Variants in NLRP12 observed in about 807,000 individuals in gnomAD.
NLRP12 encodes the protein NACHT, LRR and PYD domains-containing protein 12.
In NLRP12, 108 loss-of-function variants were observed where a neutral mutation model predicts 91.2. That is an observed-to-expected ratio of 1.18 (90% CI 1.01 to 1.39). NLRP12 has a LOEUF of 1.39. Ranked by LOEUF, NLRP12 falls within the 40% of genes most tolerant of loss-of-function variation. The pLI, the probability that NLRP12 is intolerant of heterozygous loss-of-function variation, is 0.00. For synonymous variants in NLRP12, 613 were observed against 566.7 expected (o/e 1.08, Z -1.16); for missense variants, 1,530 against 1,352.7 (o/e 1.13, Z -2.06).
intron 3 of NLRP12, chr19:53,808,415 T>G (rs1483134529): frequency 6.5e-6 from 1 of 154,502 alleles, no homozygotes; most frequent in Middle Eastern, 3.4e-3. Context: ...TACAGAAGAT[T>G]GTTGGGTCCA....
intron 7 of NLRP12, among the ~76,000 whole-genome samples, chr19:53,799,326 G>GT (rs1040035402): frequency 2.0e-5 from 3 of 151,598 alleles, no homozygotes; most frequent in East Asian, 2.0e-4. Flanking sequence ...GTGATTTTTT[G>GT]TTTTTTGTTT....
chr19:53,805,765 A>C, intron 4 of NLRP12: 1 of 380,068 alleles, frequency 2.6e-6, no homozygotes, highest in South Asian at 2.2e-5. Flanking sequence ...GATCCTCCCC[A>C]TCTGGGCCTC....
At chr19:53,814,116 C>G (rs772713953) in intron 2 of NLRP12, among the ~76,000 whole-genome samples, 1 of 152,168 alleles carries the variant, frequency 6.6e-6, no homozygotes, top group South Asian at 2.1e-4. Context: ...TTCTTCCCTG[C>G]CAGCAAACCT....
chr19:53,805,166 T>TA (rs2091937312), intron 5 of NLRP12, 114 bp downstream of exon 5: 5 of 1,164,074 alleles, frequency 4.3e-6, no homozygotes, highest in Admixed American at 1.9e-5. Context: ...GTCATGGGGT[T>TA]AAGGGCCAGC....
chr19:53,809,993 G>C lies in NLRP12; in HGVS notation c.1666C>G (p.Leu556Val), dbSNP rs185301991. 1.1e-5 allele frequency: 17 copies of C among 1,614,152 alleles called. No homozygotes were observed. The highest frequency in any genetic ancestry group is 1.3e-5 in the Non-Finnish European group (15 of 1,180,038). The part of the protein sequence containing the change: ...TEYAFSERSF[L>V]ALTSRFLFGL... ...AACAGGAAGCGGCTGGTGAGTGCCA[G>C]GAAGCTCCTTTCAGAAAACGCGTAC... The change falls in exon 3 of 10, where the codon CTG becomes GTG. Residue 556 changes from leucine (L) to valine (V), a missense_variant. Transcript: ENST00000324134.
At chr19:53,800,784 A>G (rs962904283) in intron 7 of NLRP12, among the ~76,000 whole-genome samples, 3 of 152,102 alleles carry the variant, frequency 2.0e-5, no homozygotes, top group East Asian at 1.9e-4. Flanking sequence ...GTGTTTCTAC[A>G]TGTTGGTCAG....
chr19:53,823,912 C>G lies in NLRP12; in HGVS notation c.263G>C (p.Arg88Thr), dbSNP rs1206814114. 1.2e-6 allele frequency: 2 copies of G among 1,614,074 alleles called. No homozygotes were observed. Among genetic ancestry groups the G allele is most frequent in the Non-Finnish European group, 1.7e-6 (2 of 1,180,028 alleles). Residue 88 changes from arginine to threonine, a missense_variant, in exon 1 of 10, where the codon AGA (arginine) becomes ACA (threonine). Coordinates refer to ENST00000324134, the MANE Select transcript of NLRP12 (RefSeq NM_144687.4). ...CCTCACCAGGTCCTCTCTCTGTCCT[C>G]TCTCCCACAGGTCCTTCCTGTTTAT... ...ERINRKDLWERGQREDLVRDT... is the reference protein window; with the variant it reads ...ERINRKDLWETGQREDLVRDT...
chr19:53,810,677 T>C lies in NLRP12; in HGVS notation c.982A>G (p.Ile328Val). 6.2e-7 allele frequency: 1 copy of C among 1,613,858 alleles called. No homozygotes were observed. ...RPTELLLNSL[I>V]RKKLLPELSL... ...AGCTCAGGGAGCAGCTTCTTCCGAA[T>C]TAAGCTGTTAAGAAGCAGCTCCGTG... is the stretch of plus-strand genomic sequence containing the variant. Residue 328 changes from isoleucine to valine, a missense_variant, in exon 3 of 10, where the codon ATT (isoleucine) becomes GTT (valine). Ile to Val is a conservative substitution (Grantham distance 29). Transcript: ENST00000324134.
chr19:53,817,775 T>C (rs1428437422), intron 1 of NLRP12, among the ~76,000 whole-genome samples: 1 of 152,050 alleles, frequency 6.6e-6, no homozygotes, highest in African/African-American at 2.4e-5. Context: ...TCATGTTTTG[T>C]GTATTTTAGC....
At position 53,811,270 on chromosome 19, in the gene NLRP12, C is replaced by G. The variant is rs780595959; in HGVS notation, c.389G>C (p.Arg130Thr). The part of the protein sequence containing the change: ...TPRKDPQETY[R>T]DYVRRKFRLM... ...CCGGAATTTCCTGCGGACATAGTCC[C>G]TGTAGGTTTCCTGGGGATCTAGGGG... The change falls in exon 3 of 10, where the codon AGG (arginine) becomes ACG (threonine). Residue 130 changes from arginine to threonine, a missense_variant. Coordinates refer to ENST00000324134, the MANE Select transcript of NLRP12 (RefSeq NM_144687.4). 6.2e-7 allele frequency: 1 copy of G among 1,613,914 alleles called. No homozygotes were observed. The highest frequency in any genetic ancestry group is 2.2e-5 in the East Asian group (1 of 44,780).
chr19:53,823,828 G>C lies in NLRP12; in HGVS notation c.289+58C>G. 4 of 1,594,090 alleles carry C rather than the reference G, an allele frequency of 2.5e-6. No individual in the cohort carries two copies. In the Admixed American group the frequency reaches 5.0e-5, roughly 20 times the overall value. On this transcript the variant is annotated intron_variant, in intron 1 of 9. Transcript: ENST00000324134. ...GCCTCCCAAAGTGCTGAGATTACAG[G>C]TATGAGTCACTGGACCCGGCTGGCA...
chr19:53,797,994 C>A (rs1281234907), intron 8 of NLRP12, among the ~76,000 whole-genome samples: 3 of 152,184 alleles, frequency 2.0e-5, no homozygotes, highest in Admixed American at 2.0e-4. Context: ...CTCGGCTTCC[C>A]AAAGTGCTGG....
In NLRP12 at chr19:53,809,579, A is replaced by ATACT. The variant is rs1568675400; in HGVS notation, c.2072+4_2072+7dup. ...AGCAGCCCCAGGGGATACCCCAGGG[A>ATACT]TACTTACAGCTGCACCAACAGCGTG... On this transcript the variant is annotated splice_region_variant and intron_variant, in intron 3 of 9. Coordinates refer to ENST00000324134, the MANE Select transcript of NLRP12 (RefSeq NM_144687.4). 2 of 1,595,478 alleles carry ATACT rather than the reference A, an allele frequency of 1.3e-6. No individual in the cohort carries two copies. The highest frequency in any genetic ancestry group is 1.7e-6 in the Non-Finnish European group (2 of 1,168,662).
At chr19:53,821,031 CTTTTTTTTTTTTTT>C (rs1158419664) in intron 1 of NLRP12, among the ~76,000 whole-genome samples, 1 of 81,284 alleles carries the variant, frequency 1.2e-5, no homozygotes, top group African/African-American at 5.8e-5. Flanking sequence ...CATATTTTTT[CTTTTTTTTTTTTTT>C]TTTTTTTTGA....
At position 53,811,000 on chromosome 19, in the gene NLRP12, C is replaced by G; in HGVS notation, c.659G>C (p.Gly220Ala). ...PRTVVMQGAA[G>A]IGKSMLAHKV... ...GTGTGCCAGCATGGACTTGCCTATC[C>G]CTGCCGCGCCTTGCATGACCACGGT... Residue 220 changes from glycine to alanine, a missense_variant, in exon 3 of 10, where the codon GGG becomes GCG. Transcript: ENST00000324134. The G allele has an allele frequency of 1.2e-6, 2 of 1,613,998 alleles. No individual in the cohort carries two copies. The highest frequency in any genetic ancestry group is 1.7e-6 in the Non-Finnish European group (2 of 1,179,874).
chr19:53,793,752 T>C lies in NLRP12; in HGVS notation c.*297A>G. 1 of 408,450 alleles carries C rather than the reference T, an allele frequency of 2.4e-6. No individual in the cohort carries two copies. Among genetic ancestry groups the C allele is most frequent in the Non-Finnish European group, 4.6e-6 (1 of 218,106 alleles). 25.3% of individuals were successfully genotyped at this position (408,450 alleles called of 1,614,324 possible). On this transcript the variant is annotated 3_prime_UTR_variant, in exon 10 of 10. Coordinates refer to ENST00000324134, the MANE Select transcript of NLRP12 (RefSeq NM_144687.4). Reference sequence around the variant, plus strand: ...GGTGCCCGCCACCATGCCTGGCTAATTTTTTTTTATTTTTAGTAGAGACAG... The same window carrying C: ...GGTGCCCGCCACCATGCCTGGCTAACTTTTTTTTATTTTTAGTAGAGACAG...
At chr19:53,807,958 C>A in intron 3 of NLRP12, 1 of 395,388 alleles carries the variant, frequency 2.5e-6, no homozygotes, top group Middle Eastern at 8.7e-4. Context: ...CCGTGTTGGC[C>A]AGGCTGATCT....
In NLRP12 at chr19:53,809,971, A is replaced by T; in HGVS notation, c.1688T>A (p.Leu563Gln). 1.2e-6 allele frequency: 2 copies of T among 1,614,132 alleles called. No individual in the cohort carries two copies. The highest frequency in any genetic ancestry group is 1.7e-6 in the Non-Finnish European group (2 of 1,180,024). Residue 563 changes from leucine to glutamine, a missense_variant, in exon 3 of 10, where the codon CTG (leucine) becomes CAG (glutamine). Physicochemically the swap from Leu to Gln is moderately radical, Grantham distance 113 (BLOSUM62 -2). Transcript: ENST00000324134. ...RSFLALTSRFLFGLLNEETRS... is the reference protein window; with the variant it reads ...RSFLALTSRFQFGLLNEETRS... ...GGTCTCCTCGTTCAGGAGTCCAAAC[A>T]GGAAGCGGCTGGTGAGTGCCAGGAA...
Position 53,823,489 on chromosome 19 carries a change from A to AAT in NLRP12, c.289+395_289+396dup, listed in dbSNP as rs1280931160. 3.2e-3 allele frequency among the ~76,000 whole-genome samples: 252 copies of AAT among 78,668 alleles called. 9 individuals are homozygous for AAT. Among genetic ancestry groups the AAT allele is most frequent in the Admixed American group, 0.022 (141 of 6,392 alleles). The allele number at this position is 78,668 out of a possible 152,430, so 51.6% of individuals were successfully genotyped here. A position where few individuals can be genotyped will look rare whatever the true frequency, so the allele number is the denominator to read the frequency against. On this transcript the variant is annotated intron_variant, in intron 1 of 9. Transcript: ENST00000324134. ...TATATATTTAAAATATATATTTTAA[A>AAT]ATATATTTATTTAAAATATATATTT... is the stretch of plus-strand genomic sequence containing the variant.
Sources: gnomAD v4.1 joint callset for allele counts (sites outside exome capture counted in the v4.1 genomes callset) on GRCh38, gnomAD v4.1.1 for gene constraint, MANE v1.5 for transcripts, NCBI Gene and HGNC (gene_info 2026-07-23, HGNC 2026-07-21) for gene names.